The following F8 variants were observed in gnomAD, a reference collection of about 807,000 sequenced individuals.
F8 encodes the protein antihemophilic factor.
A neutral mutation model predicts 140.6 loss-of-function variants in F8; 12 were observed. The ratio of observed to expected loss-of-function variants is 0.09; its 90% CI spans 0.05 to 0.14. The LOEUF is 0.14. Ranked by LOEUF, F8 falls within the 10% of genes least tolerant of loss-of-function variation. The pLI, the probability that F8 is intolerant of heterozygous loss-of-function variation, is 1.00. For synonymous variants in F8, 585 were observed against 614.6 expected, an observed-to-expected ratio of 0.95 and a Z score of 0.71; for missense variants, 1,354 against 1,720.7, an observed-to-expected ratio of 0.79 and a Z score of 3.77.
At chrX:154,963,231 C>G (rs2073405905) in intron 9 of F8, among the ~76,000 whole-genome samples, 1 of 111,563 alleles carries the variant, frequency 9.0e-6, no homozygotes, top group Non-Finnish European at 1.9e-5. Flanking sequence ...TGATTTGGCT[C>G]TCTGTCTGTT....
At chrX:154,872,082 G>A (rs185168386) in intron 22 of F8, among the ~76,000 whole-genome samples, 5 of 112,010 alleles carry the variant, frequency 4.5e-5, no homozygotes, top group South Asian at 3.7e-4. Context: ...AAATAGGAAC[G>A]CTTTTACACT....
intron 13 of F8, among the ~76,000 whole-genome samples, chrX:154,942,026 T>G (rs1322185405): frequency 9.7e-5 from 10 of 103,004 alleles, no homozygotes; most frequent in East Asian, 3.0e-4. Context: ...AGTGTGTAGA[T>G]GGAAATTTAT....
intron 25 of F8, among the ~76,000 whole-genome samples, chrX:154,859,538 G>A (rs983169814): frequency 2.7e-5 from 3 of 110,874 alleles, no homozygotes; most frequent in South Asian, 3.8e-4. Context: ...TACCGACCTC[G>A]TGATCTGCCT....
intron 12 of F8, 152 bp downstream of exon 12, chrX:154,953,740 C>A: frequency 1.4e-6 from 1 of 695,544 alleles, no homozygotes. Flanking sequence ...GTTATATGAT[C>A]ACGTGTGTTT....
rs180762699 is a variant in F8 at position 154,974,344 on chromosome X, T to C, written c.788-4792A>G. Among the ~76,000 whole-genome samples the C allele has an allele frequency of 2.4e-4, 27 of 112,359 alleles. No individual in the cohort carries two copies. In the East Asian group the frequency reaches 6.7e-3, roughly 28 times the overall value. ...TATACTTTGTTGAGAGTTTTTATCA[T>C]GAAGGGATATTGAATTTTGTCAAAT... On this transcript the variant is annotated intron_variant, in intron 6 of 25. Transcript: ENST00000360256.
At chrX:154,903,859 C>T in intron 18 of F8, 47 bp downstream of exon 18, 3 of 1,122,803 alleles carry the variant, frequency 2.7e-6, no homozygotes, top group Middle Eastern at 2.4e-4. Context: ...AAAGTAAGTA[C>T]TCAACAAATA....
chrX:154,929,944 T>C lies in F8; in HGVS notation c.3846A>G (p.Lys1282=). The C allele has an allele frequency of 5.0e-6, 6 of 1,211,501 alleles. No homozygotes were observed. Among genetic ancestry groups the C allele is most frequent in the Non-Finnish European group, 6.7e-6 (6 of 895,406 alleles). Reference sequence around the variant, plus strand: ...CTTTTTTTGAGAAATGAGCTGTGTGTTTCTTTGTTCTATTTGTTGAATCAT... The same window carrying C: ...CTTTTTTTGAGAAATGAGCTGTGTGCTTCTTTGTTCTATTTGTTGAATCAT... ...SLNDSTNRTK[K]HTAHFSKKGE... Residue 1282 remains lysine (K), a synonymous_variant, in exon 14 of 26, where the codon AAA becomes AAG. Coordinates refer to ENST00000360256, the MANE Select transcript of F8 (RefSeq NM_000132.4).
chrX:154,850,571 A>G (rs190143477), intron 25 of F8, among the ~76,000 whole-genome samples: 111 of 107,671 alleles, frequency 1.0e-3, no homozygotes, highest in African/African-American at 3.6e-3. Context: ...CCTTGTAACA[A>G]GAACTACAAG....
intron 6 of F8, chrX:154,977,238 G>C (rs1052785205): frequency 6.3e-5 from 7 of 111,386 alleles, no homozygotes; most frequent in Non-Finnish European, 1.1e-4. Flanking sequence ...TCTTTAACAG[G>C]TTATGGTAAT....
chrX:154,921,518 C>A (rs2073130402), intron 14 of F8, among the ~76,000 whole-genome samples: 1 of 111,867 alleles, frequency 8.9e-6, no homozygotes, highest in African/African-American at 3.2e-5. Context: ...ACCCAGCCAT[C>A]CCATTACTGG....
chrX:154,859,060 C>T (rs2072669834), intron 25 of F8, among the ~76,000 whole-genome samples: 1 of 111,775 alleles, frequency 8.9e-6, no homozygotes, highest in Non-Finnish European at 1.9e-5. Flanking sequence ...AAGACTGAGT[C>T]TTCCCCAAGT....
At chrX:154,996,839 C>G (rs28370236) in intron 3 of F8, 134 bp downstream of exon 3, 10,971 of 722,235 alleles carry the variant, frequency 0.015, 84 homozygotes, top group Non-Finnish European at 0.018. Context: ...TATTTATAAT[C>G]TAGTAAATGT....
At chrX:154,966,340 G>A in intron 8 of F8, 86 bp downstream of exon 8, 3 of 1,120,183 alleles carry the variant, frequency 2.7e-6, no homozygotes, top group Non-Finnish European at 3.6e-6. Context: ...CCTTAAACAT[G>A]GCTTCAGGAT....
intron 12 of F8, 125 bp from the exon 13 acceptor site, chrX:154,948,032 T>G: frequency 3.5e-6 from 2 of 578,589 alleles, no homozygotes; most frequent in Non-Finnish European, 5.8e-6. Context: ...CAGGAAGAGA[T>G]ATTATATCTT....
At chrX:154,893,980 T>G (rs1444199943) in intron 22 of F8, among the ~76,000 whole-genome samples, 1 of 111,898 alleles carries the variant, frequency 8.9e-6, no homozygotes, top group African/African-American at 3.3e-5. Context: ...TCAAAAGAAC[T>G]TTGGTCTCCA....
chrX:154,903,802 C>A, intron 18 of F8, 104 bp downstream of exon 18: 1 of 671,855 alleles, frequency 1.5e-6, no homozygotes, highest in Non-Finnish European at 2.4e-6. Flanking sequence ...GAGCATGGAG[C>A]TTGTCTGCTT....
intron 13 of F8, among the ~76,000 whole-genome samples, chrX:154,944,037 T>C (rs1331013814): frequency 8.9e-6 from 1 of 111,831 alleles, no homozygotes; most frequent in Non-Finnish European, 1.9e-5. Flanking sequence ...ATTAAAGACT[T>C]AAACGTTAGA....
intron 6 of F8, among the ~76,000 whole-genome samples, chrX:154,973,846 C>G (rs1343896231): frequency 9.0e-6 from 1 of 111,355 alleles, no homozygotes; most frequent in Non-Finnish European, 1.9e-5. Flanking sequence ...GCCCAGGCTG[C>G]AGTGCAGTGG....
chrX:154,863,266 T>C (rs2072708338), intron 22 of F8, 39 bp from the exon 23 acceptor site: 1 of 1,182,522 alleles, frequency 8.5e-7, no homozygotes. Flanking sequence ...GGAAAGTGAA[T>C]ACAGAGTAAA....
Sources: gnomAD v4.1 joint callset for allele counts (sites outside exome capture counted in the v4.1 genomes callset) on GRCh38, gnomAD v4.1.1 for gene constraint, MANE v1.5 for transcripts, NCBI Gene and HGNC (gene_info 2026-07-23, HGNC 2026-07-21) for gene names.